The following PALM2AKAP2 variants were observed in gnomAD, a reference collection of about 807,000 sequenced individuals.
PALM2AKAP2 encodes the protein PALM2-AKAP2 fusion protein.
PALM2AKAP2 carries 37 observed loss-of-function variants against 71.5 expected under a neutral mutation model. That is an observed-to-expected ratio of 0.52 (90% confidence interval 0.40 to 0.68). The LOEUF (loss-of-function observed/expected upper bound fraction) is 0.68. PALM2AKAP2 is among the 30% of genes least tolerant of loss of function. The pLI is 0.00. For synonymous variants in PALM2AKAP2, 468 were observed against 478.8 expected (o/e 0.98, Z 0.29); for missense variants, 1,224 against 1,191.8 (o/e 1.03, Z -0.40).
chr9:109,752,738 A>T (rs1041258003), intron 1 of PALM2AKAP2, among the ~76,000 whole-genome samples: 3 of 152,104 alleles, frequency 2.0e-5, no homozygotes, highest in Non-Finnish European at 4.4e-5. Flanking sequence ...TATATAAAGG[A>T]ATGATAAGAA....
chr9:110,076,365 T>C (rs1204912547), intron 1 of PALM2AKAP2, among the ~76,000 whole-genome samples: 1 of 151,686 alleles, frequency 6.6e-6, no homozygotes, highest in Non-Finnish European at 1.5e-5. Flanking sequence ...TGAACATCCT[T>C]GTATTTATGT....
intron 1 of PALM2AKAP2, among the ~76,000 whole-genome samples, chr9:109,800,841 TCTGCGTGCTTTAATAGAGGATCCTAA>T (rs1827409240): frequency 6.6e-6 from 1 of 152,242 alleles, no homozygotes; most frequent in African/African-American, 2.4e-5. Flanking sequence ...CACTGGAAAC[TCTGCGTGCTTTAATAGAGGATCCTAA>T]CTGCCTTGGA....
At chr9:109,877,982 ATGAAT>A (rs1408702257) in intron 2 of PALM2AKAP2, among the ~76,000 whole-genome samples, 1 of 152,244 alleles carries the variant, frequency 6.6e-6, no homozygotes, top group Non-Finnish European at 1.5e-5. Context: ...ATATAAAAAC[ATGAAT>A]TGATTAAAAA....
chr9:110,135,188 T>TATAA lies in PALM2AKAP2; in HGVS notation c.157-938_157-937insTAAA, dbSNP rs1484544851. Reference sequence around the variant, plus strand: ...AAATATATAAATATATATATATATATAAATCAGCCAGGGGTGATGGCACAC... The same window carrying TATAA: ...AAATATATAAATATATATATATATATATAAAAATCAGCCAGGGGTGATGGCACAC... On this transcript the variant is annotated intron_variant, in intron 1 of 3. Coordinates refer to ENST00000374525, the Ensembl canonical transcript of PALM2AKAP2. Among the ~76,000 whole-genome samples, 10 of 93,534 alleles carry TATAA rather than the reference T, an allele frequency of 1.1e-4. 1 individual carries two copies. Among genetic ancestry groups the TATAA allele is most frequent in the African/African-American group, 4.0e-4 (9 of 22,508 alleles). 61.4% of individuals were successfully genotyped at this position (93,534 alleles called of 152,430 possible).
chr9:109,659,343 C>T (rs1437653204), intron 1 of PALM2AKAP2, among the ~76,000 whole-genome samples: 1 of 152,062 alleles, frequency 6.6e-6, no homozygotes, highest in Non-Finnish European at 1.5e-5. Flanking sequence ...GCCCAGGCAT[C>T]CTTCATCAAA....
chr9:109,868,411 G>A (rs1290148958), intron 2 of PALM2AKAP2, among the ~76,000 whole-genome samples: 1 of 152,138 alleles, frequency 6.6e-6, no homozygotes, highest in African/African-American at 2.4e-5. Flanking sequence ...GGGCTTTTTG[G>A]CAGGAAAACC....
At chr9:109,937,049 CT>C (rs1831236221) in intron 6 of PALM2AKAP2, among the ~76,000 whole-genome samples, 1 of 152,178 alleles carries the variant, frequency 6.6e-6, no homozygotes, top group Non-Finnish European at 1.5e-5. Flanking sequence ...GTCGGTTACT[CT>C]TGTTCCCTCT....
chr9:109,708,533 A>G (rs1004868670), intron 1 of PALM2AKAP2, among the ~76,000 whole-genome samples: 2 of 152,212 alleles, frequency 1.3e-5, no homozygotes, highest in African/African-American at 4.8e-5. Flanking sequence ...TGTTTGCTAA[A>G]TATAAACACT....
chr9:109,750,806 A>G (rs1182680693), intron 1 of PALM2AKAP2, among the ~76,000 whole-genome samples: 1 of 152,290 alleles, frequency 6.6e-6, no homozygotes, highest in African/African-American at 2.4e-5. Flanking sequence ...TTCTTTTGTA[A>G]GATATAGTAT....
At chr9:109,679,181 A>G (rs371079643) in intron 1 of PALM2AKAP2, among the ~76,000 whole-genome samples, 1 of 152,210 alleles carries the variant, frequency 6.6e-6, no homozygotes, top group Admixed American at 6.5e-5. Context: ...TGCCGAGAAC[A>G]CCAACTTAAA....
chr9:110,151,027 C>G (rs1303653680), intron 2 of PALM2AKAP2, among the ~76,000 whole-genome samples: 1 of 152,160 alleles, frequency 6.6e-6, no homozygotes, highest in Non-Finnish European at 1.5e-5. Context: ...TTAAAAAAAA[C>G]ACAGTGCTGA....
chr9:109,928,944 G>A (rs1012701743), intron 5 of PALM2AKAP2, among the ~76,000 whole-genome samples: 2 of 152,146 alleles, frequency 1.3e-5, no homozygotes, highest in Non-Finnish European at 2.9e-5. Flanking sequence ...TGGGTTTACA[G>A]GTGTGAGCTA....
intron 5 of PALM2AKAP2, among the ~76,000 whole-genome samples, chr9:109,926,561 A>C (rs1446117088): frequency 6.6e-6 from 1 of 152,162 alleles, no homozygotes; most frequent in Non-Finnish European, 1.5e-5. Flanking sequence ...GGCTTCCCTG[A>C]GTCTGGGAAG....
intron 7 of PALM2AKAP2, among the ~76,000 whole-genome samples, chr9:110,037,823 C>T (rs1042233631): frequency 2.0e-5 from 3 of 152,098 alleles, no homozygotes; most frequent in Non-Finnish European, 4.4e-5. Flanking sequence ...TTTAAAAATG[C>T]CTTCTAGGCA....
At chr9:109,758,021 C>T (rs1828991607) in intron 1 of PALM2AKAP2, among the ~76,000 whole-genome samples, 2 of 152,040 alleles carry the variant, frequency 1.3e-5, no homozygotes, top group African/African-American at 4.8e-5. Context: ...AACCCTAATA[C>T]CAGTTGGTGG....
At chr9:109,897,739 C>T (rs567259182) in intron 3 of PALM2AKAP2, among the ~76,000 whole-genome samples, 14 of 152,218 alleles carry the variant, frequency 9.2e-5, no homozygotes, top group African/African-American at 9.6e-5. Context: ...AATTATGCTC[C>T]GAATCATATT....
At chr9:110,023,307 T>TTTTTTTA (rs1833109284) in intron 7 of PALM2AKAP2, among the ~76,000 whole-genome samples, 1 of 28,922 alleles carries the variant, frequency 3.5e-5, no homozygotes, top group Non-Finnish European at 7.0e-5. Flanking sequence ...TGTGGTTTCT[T>TTTTTTTA]TTTTTTTTTT....
intron 1 of PALM2AKAP2, among the ~76,000 whole-genome samples, chr9:109,863,624 A>C (rs1475500643): frequency 2.6e-5 from 4 of 152,224 alleles, no homozygotes; most frequent in Non-Finnish European, 5.9e-5. Context: ...CCAGTGGGCT[A>C]TCCCGGTGAG....
chr9:109,872,337 TCCTTCTGTC>T (rs1829620069), intron 2 of PALM2AKAP2, among the ~76,000 whole-genome samples: 1 of 152,186 alleles, frequency 6.6e-6, no homozygotes, highest in Non-Finnish European at 1.5e-5. Flanking sequence ...ATTTAATATT[TCCTTCTGTC>T]CCTTGGTTGA....
Sources: allele counts gnomAD v4.1 joint callset (sites outside exome capture counted in the v4.1 genomes callset), GRCh38; gene constraint gnomAD v4.1.1; transcripts MANE v1.5; gene names NCBI Gene and HGNC (gene_info 2026-07-23, HGNC 2026-07-21).